The following LRRC37A2 variants were observed in gnomAD, a reference collection of about 807,000 sequenced individuals.
The protein encoded by LRRC37A2 is leucine-rich repeat-containing protein 37A2.
LRRC37A2 carries 9 observed loss-of-function variants against 68.8 expected under a neutral mutation model. The observed-to-expected ratio is 0.13, with a 90% CI of 0.08 to 0.23. The LOEUF (loss-of-function observed/expected upper bound fraction) is 0.23, where lower values mean the gene tolerates loss of function less well. Among genes scored for constraint, LRRC37A2 ranks in the 10% least tolerant of loss-of-function variants. The pLI is 1.00. For missense variants in LRRC37A2, 168 were observed against 950.4 expected, an observed-to-expected ratio of 0.18 and a Z score of 10.82; for synonymous variants, 63 against 367.6, an observed-to-expected ratio of 0.17 and a Z score of 9.48.
the LRRC37A2 span, among the ~76,000 whole-genome samples, chr17:46,879,598 G>A: frequency 1.3e-5 from 2 of 152,210 alleles, no homozygotes; most frequent in African/African-American, 2.4e-5. Flanking sequence ...CCACATTACT[G>A]TGGCCATTTT....
In LRRC37A2 at chr17:46,548,841, G is replaced by A. The variant is rs202061223; in HGVS notation, c.3702G>A (p.Lys1234=). ...TAGCGGGAAACGCCGTCTACACCAAGCCTTCCTTCACCCAAGAGCATAAGG... is the reference window on the plus strand; with the variant it reads ...TAGCGGGAAACGCCGTCTACACCAAACCTTCCTTCACCCAAGAGCATAAGG... Residue 1234 remains lysine, a synonymous_variant, in exon 10 of 15, where the codon AAG becomes AAA. Transcript: ENST00000576629. 270 of 1,612,296 alleles carry A rather than the reference G, an allele frequency of 1.7e-4. 3 individuals carry two copies. The highest frequency in any genetic ancestry group is 2.1e-4 in the Non-Finnish European group (251 of 1,179,864).
chr17:47,010,453 G>C, the LRRC37A2 span: 1 of 152,360 alleles, frequency 6.6e-6, no homozygotes, highest in East Asian at 1.9e-4. Flanking sequence ...ACCCTGTCCT[G>C]CTTGGCCATT....
At chr17:46,783,609 C>A in the LRRC37A2 span, among the ~76,000 whole-genome samples, 1 of 152,178 alleles carries the variant, frequency 6.6e-6, no homozygotes, top group African/African-American at 2.4e-5. Context: ...AACTTTCAGC[C>A]CCAGTAACCT....
At chr17:46,766,500 G>A in the LRRC37A2 span, among the ~76,000 whole-genome samples, 6 of 151,954 alleles carry the variant, frequency 3.9e-5, no homozygotes, top group East Asian at 3.9e-4. Flanking sequence ...CTGAGTGGAC[G>A]AGTGGAGGCG....
the LRRC37A2 span, among the ~76,000 whole-genome samples, chr17:46,954,488 C>T: frequency 1.3e-5 from 2 of 151,858 alleles, no homozygotes; most frequent in South Asian, 4.2e-4. Context: ...CAGCTTTGTT[C>T]TTTTGGCCTT....
the LRRC37A2 span, chr17:47,018,624 A>G: frequency 2.0e-6 from 3 of 1,520,128 alleles, no homozygotes; most frequent in African/African-American, 4.1e-5. Context: ...TCAACAGGAG[A>G]CTTCATTTCA....
chr17:46,949,621 T>TA, the LRRC37A2 span, among the ~76,000 whole-genome samples: 1 of 152,118 alleles, frequency 6.6e-6, no homozygotes, highest in Non-Finnish European at 1.5e-5. Context: ...TGGGAAGACA[T>TA]ACATGAGCAT....
the LRRC37A2 span, among the ~76,000 whole-genome samples, chr17:46,779,367 G>C: frequency 6.6e-6 from 1 of 152,198 alleles, no homozygotes; most frequent in African/African-American, 2.4e-5. Flanking sequence ...GAGGGGGAGG[G>C]CGGAGGACCC....
chr17:46,823,213 T>A, the LRRC37A2 span, among the ~76,000 whole-genome samples: 2 of 135,040 alleles, frequency 1.5e-5, no homozygotes, highest in Non-Finnish European at 3.1e-5. Flanking sequence ...TATAATATAT[T>A]ATATATTATA....
the LRRC37A2 span, among the ~76,000 whole-genome samples, chr17:46,961,144 TATTG>T: frequency 6.6e-6 from 1 of 152,154 alleles, no homozygotes; most frequent in Non-Finnish European, 1.5e-5. Context: ...AAGGTAAAGA[TATTG>T]ATTAATTTCA....
At chr17:46,744,866 G>A in the LRRC37A2 span, among the ~76,000 whole-genome samples, 1 of 152,146 alleles carries the variant, frequency 6.6e-6, no homozygotes, top group African/African-American at 2.4e-5. Context: ...GCTGCTTATG[G>A]TACTAAGAAT....
chr17:46,900,519 G>A, the LRRC37A2 span, among the ~76,000 whole-genome samples: 1 of 152,138 alleles, frequency 6.6e-6, no homozygotes, highest in African/African-American at 2.4e-5. Flanking sequence ...CAAAGTGCTG[G>A]GATTGCAGGC....
At chr17:46,881,907 A>G in the LRRC37A2 span, among the ~76,000 whole-genome samples, 22 of 152,304 alleles carry the variant, frequency 1.4e-4, 1 homozygote, top group East Asian at 3.9e-3. Flanking sequence ...CAAGGCCATC[A>G]CCACATCTAA....
At chr17:46,730,653 A>G in the LRRC37A2 span, among the ~76,000 whole-genome samples, 1 of 152,168 alleles carries the variant, frequency 6.6e-6, no homozygotes, top group South Asian at 2.1e-4. Flanking sequence ...CTTCACAAAT[A>G]CCTTATCAAC....
chr17:46,932,599 A>G, the LRRC37A2 span: 9 of 417,570 alleles, frequency 2.2e-5, no homozygotes, highest in African/African-American at 1.4e-4. Flanking sequence ...TGTGCCGAGT[A>G]TGTGTGTGGC....
chr17:46,939,236 T>A, the LRRC37A2 span: 1 of 1,046,518 alleles, frequency 9.6e-7, no homozygotes, highest in Non-Finnish European at 1.2e-6. Context: ...GTAGGTCGAT[T>A]CACATCCTCG....
the LRRC37A2 span, among the ~76,000 whole-genome samples, chr17:46,877,371 C>A: frequency 2.6e-5 from 4 of 152,180 alleles, no homozygotes; most frequent in African/African-American, 9.7e-5. Context: ...GCCCTGTGTC[C>A]TTGATTTGGC....
At chr17:46,972,233 C>T in the LRRC37A2 span, among the ~76,000 whole-genome samples, 6 of 152,202 alleles carry the variant, frequency 3.9e-5, no homozygotes, top group African/African-American at 4.8e-5. Context: ...TCCCGCCACC[C>T]GCTTCTTCCT....
At chr17:46,987,340 G>C in the LRRC37A2 span, among the ~76,000 whole-genome samples, 1 of 152,110 alleles carries the variant, frequency 6.6e-6, no homozygotes, top group Non-Finnish European at 1.5e-5. Context: ...AAAGAGGCAT[G>C]TGGGCGCCAG....
Sources: allele counts gnomAD v4.1 joint callset (sites outside exome capture counted in the v4.1 genomes callset), GRCh38; gene constraint gnomAD v4.1.1; transcripts MANE v1.5; gene names NCBI Gene and HGNC (gene_info 2026-07-23, HGNC 2026-07-21).